Variants in MYO1G observed in about 807,000 individuals in gnomAD.
MYO1G encodes the protein myosin IG.
Under a neutral mutation model 115.3 loss-of-function variants are expected in MYO1G, and 65 were observed. The observed-to-expected ratio is 0.56, with a 90% CI of 0.46 to 0.69. The LOEUF (loss-of-function observed/expected upper bound fraction) is 0.69, where lower values mean the gene tolerates loss of function less well. Ranked by LOEUF, MYO1G falls within the 30% of genes least tolerant of loss-of-function variation. The pLI, the probability that MYO1G is intolerant of heterozygous loss-of-function variation, is 0.00. For synonymous variants in MYO1G, 510 were observed against 552.6 expected, an observed-to-expected ratio of 0.92 and a Z score of 1.08; for missense variants, 1,204 against 1,393.5, an observed-to-expected ratio of 0.86 and a Z score of 2.16.
intron 6 of MYO1G, 75 bp downstream of exon 6, chr7:44,972,040 C>T (rs1794967820): frequency 1.6e-5 from 19 of 1,185,604 alleles, no homozygotes; most frequent in Non-Finnish European, 2.3e-5. Context: ...GTGCTGAGTG[C>T]TGCCCATTCC....
In MYO1G at chr7:44,964,557, T is replaced by A. The variant is rs766721090; in HGVS notation, c.2527-38A>T. 7 of 1,531,224 alleles carry A rather than the reference T, an allele frequency of 4.6e-6. No homozygotes were observed. Among genetic ancestry groups the A allele is most frequent in the Non-Finnish European group, 6.3e-6 (7 of 1,105,456 alleles). 94.9% of individuals were successfully genotyped at this position (1,531,224 alleles called of 1,614,324 possible). A position where few individuals can be genotyped will look rare whatever the true frequency, so the allele number is the denominator to read the frequency against. On this transcript the variant is annotated intron_variant, in intron 18 of 21. Transcript: ENST00000258787. This position sits in a 1 kb window ranked among gnomAD's most constrained non-coding sequence, Gnocchi z 5.1. The stretch of plus-strand genomic sequence containing the variant: ...GGAGGGGAGGGGGCGCTGCTTGGGA[T>A]TGAGTCATGGGACCAGACTCAATTG...
At chr7:44,972,003 C>A in intron 6 of MYO1G, 112 bp downstream of exon 6, 2 of 914,526 alleles carry the variant, frequency 2.2e-6, no homozygotes, top group Non-Finnish European at 1.8e-6. Context: ...TCCCCACTCA[C>A]GCAAACAGTT....
chr7:44,969,353 A>G lies in MYO1G; in HGVS notation c.1574+60T>C. ...CACTCCCCTGAAGCGCTCCTGCCCC[A>G]TGACACATGCCATGGTGCCTGTGGG... On this transcript the variant is annotated intron_variant, in intron 12 of 21. Transcript: ENST00000258787. The surrounding 1 kb of genome is among the most constrained non-coding windows in gnomAD (Gnocchi z 5.0). 8 of 1,579,102 alleles carry G rather than the reference A, an allele frequency of 5.1e-6. No homozygotes were observed. Among genetic ancestry groups the G allele is most frequent in the Admixed American group, 1.7e-5 (1 of 59,974 alleles).
rs1248040992 is a variant in MYO1G at position 44,972,133 on chromosome 7, G to A, written c.711C>T (p.Leu237=). The A allele has an allele frequency of 6.2e-7, 1 of 1,613,810 alleles. No homozygotes were observed. Among genetic ancestry groups the A allele is most frequent in the Non-Finnish European group, 8.5e-7 (1 of 1,179,822 alleles). ...CACTCACACTGTGCACAGTCATGTT[G>A]AGTCCTGCTCCCTGGTGTGTGAAAT... ...VYNFTHQGAG[L]NMTVHSALDS... is the part of the protein sequence containing the mutation. The change falls in exon 6 of 22, where the codon CTC becomes CTT. Residue 237 remains leucine (L), a synonymous_variant. Coordinates refer to ENST00000258787, the MANE Select transcript of MYO1G (RefSeq NM_033054.3).
At position 44,970,742 on chromosome 7, in the gene MYO1G, G is replaced by C. The variant is rs374979687; in HGVS notation, c.1072-5C>G. ...AAACAGCCGCTGGTACACTGCCTGGGGGATAGGAACACCCTGCTTCCTGCT... is the reference window on the plus strand; with the variant it reads ...AAACAGCCGCTGGTACACTGCCTGGCGGATAGGAACACCCTGCTTCCTGCT... On this transcript the variant is annotated splice_polypyrimidine_tract_variant and splice_region_variant and intron_variant, in intron 8 of 21. Coordinates refer to ENST00000258787, the MANE Select transcript of MYO1G (RefSeq NM_033054.3). The C allele has an allele frequency of 5.6e-6, 9 of 1,613,914 alleles. No homozygotes were observed. In the South Asian group the frequency reaches 9.9e-5, roughly 18 times the overall value.
chr7:44,966,556 T>C lies in MYO1G; in HGVS notation c.1949+116A>G, dbSNP rs1445297766. 1.5e-6 allele frequency: 2 copies of C among 1,315,448 alleles called. No homozygotes were observed. The highest frequency in any genetic ancestry group is 2.3e-5 in the East Asian group (1 of 42,602). 81.5% of individuals were successfully genotyped at this position (1,315,448 alleles called of 1,614,324 possible). The stretch of plus-strand genomic sequence containing the variant: ...TGGTGTCTTGAGGCCAGCAGCGTGC[T>C]GGTTCCTGCTTGTATCGATGTTTGC... On this transcript the variant is annotated intron_variant, in intron 15 of 21. Transcript: ENST00000258787. This position sits in a 1 kb window ranked among gnomAD's most constrained non-coding sequence, Gnocchi z 5.0.
At chr7:44,965,555 G>T in intron 17 of MYO1G, 82 bp downstream of exon 17, 3 of 1,340,026 alleles carry the variant, frequency 2.2e-6, no homozygotes, top group Non-Finnish European at 2.1e-6. Context: ...CTCCCATCCA[G>T]GCACTGCAGG....
intron 14 of MYO1G, among the ~76,000 whole-genome samples, 193 bp from the exon 15 acceptor site, chr7:44,967,031 C>T (rs1373472772): frequency 2.0e-5 from 3 of 152,246 alleles, no homozygotes; most frequent in African/African-American, 7.2e-5. Context: ...AGGTTCAGAG[C>T]CAGGTTCCAG....
chr7:44,977,053 G>C lies in MYO1G; in HGVS notation c.114C>G (p.Ile38Met). 2 of 1,613,416 alleles carry C rather than the reference G, an allele frequency of 1.2e-6. No individual in the cohort carries two copies. The highest frequency in any genetic ancestry group is 1.7e-6 in the Non-Finnish European group (2 of 1,179,988). Residue 38 changes from isoleucine (I) to methionine (M), a missense_variant, in exon 2 of 22, where the codon ATC (isoleucine) becomes ATG (methionine). Ile to Met is a conservative substitution (Grantham distance 10, BLOSUM62 1). Coordinates refer to ENST00000258787, the MANE Select transcript of MYO1G (RefSeq NM_033054.3). ...NLQLRFEKGR[I>M]YTYIGEVLVS... is the part of the protein sequence containing the mutation. Reference sequence around the variant, plus strand: ...CCAGCACCTCACCGATGTAGGTGTAGATGCGGCCCTTCTCGAACCTGGACA... The same window carrying C: ...CCAGCACCTCACCGATGTAGGTGTACATGCGGCCCTTCTCGAACCTGGACA...
intron 5 of MYO1G, chr7:44,973,699 G>C (rs1241307953): frequency 6.6e-6 from 1 of 151,652 alleles, no homozygotes; most frequent in Admixed American, 6.6e-5. Flanking sequence ...CAACGTCCCA[G>C]GGAGCAATCC....
Position 44,969,728 on chromosome 7 carries a change from G to A in MYO1G, c.1480C>T (p.His494Tyr). The A allele has an allele frequency of 6.2e-7, 1 of 1,609,742 alleles. No homozygotes were observed. Among genetic ancestry groups the A allele is most frequent in the Non-Finnish European group, 8.5e-7 (1 of 1,179,094 alleles). ...LQTLDMHHRHHLHYTSRQLCP... is the reference protein window; with the variant it reads ...LQTLDMHHRHYLHYTSRQLCP... The stretch of plus-strand genomic sequence containing the variant: ...ACCTGGCGGCTGGTGTAGTGTAGGT[G>A]ATGGCGGTGGTGCATGTCCAGGGTC... Residue 494 changes from histidine (H) to tyrosine (Y), a missense_variant, in exon 11 of 22, where the codon CAC becomes TAC. Coordinates refer to ENST00000258787, the MANE Select transcript of MYO1G (RefSeq NM_033054.3). The surrounding 1 kb of genome is among the most constrained non-coding windows in gnomAD (Gnocchi z 5.0).
chr7:44,967,865 C>T lies in MYO1G; in HGVS notation c.1649+19G>A. ...CAGGGCCCTGGCCCTCCCTATGGTG[C>T]CCAGCAAGCCGTGCTCACCTGTTGT... On this transcript the variant is annotated intron_variant, in intron 13 of 21. Coordinates refer to ENST00000258787, the MANE Select transcript of MYO1G (RefSeq NM_033054.3). 2 of 1,613,684 alleles carry T rather than the reference C, an allele frequency of 1.2e-6. No homozygotes were observed. The highest frequency in any genetic ancestry group is 3.3e-5 in the Admixed American group (2 of 60,016).
Position 44,972,186 on chromosome 7 carries a change from G to A in MYO1G, c.658C>T (p.His220Tyr), listed in dbSNP as rs138286002. The change falls in exon 6 of 22, where the codon CAC (histidine) becomes TAC (tyrosine). Residue 220 changes from histidine to tyrosine, a missense_variant. Transcript: ENST00000258787. ...TATACAGCAGGGTTTCTCTCCAAGT[G>A]CAGTTCATGCAGCTGCTTGTCCTCA... ...GSEDKQLHEL[H>Y]LERNPAVYNF... 2 of 1,613,966 alleles carry A rather than the reference G, an allele frequency of 1.2e-6. No homozygotes were observed. Among genetic ancestry groups the A allele is most frequent in the South Asian group, 1.1e-5 (1 of 91,090 alleles).
chr7:44,975,748 A>G, intron 3 of MYO1G, 99 bp from the exon 4 acceptor site: 1 of 1,328,232 alleles, frequency 7.5e-7, no homozygotes, highest in Non-Finnish European at 1.0e-6. Flanking sequence ...ACAGCATCTC[A>G]GGATGAGTTC....
intron 9 of MYO1G, 54 bp from the exon 10 acceptor site, chr7:44,970,208 G>T: frequency 2.4e-6 from 3 of 1,227,160 alleles, no homozygotes; most frequent in Non-Finnish European, 2.4e-6. Flanking sequence ...GGAGTGCATG[G>T]TAATGGGTGG....
rs756830295 is a variant in MYO1G at position 44,966,636 on chromosome 7, A to G, written c.1949+36T>C. 25 of 1,611,918 alleles carry G rather than the reference A, an allele frequency of 1.6e-5. No individual in the cohort carries two copies. Among genetic ancestry groups the G allele is most frequent in the South Asian group, 7.7e-5 (7 of 90,870 alleles). On this transcript the variant is annotated intron_variant, in intron 15 of 21. Coordinates refer to ENST00000258787, the MANE Select transcript of MYO1G (RefSeq NM_033054.3). This position sits in a 1 kb window ranked among gnomAD's most constrained non-coding sequence, Gnocchi z 5.0. ...ACCCCTTGGACTCCACACAGGGACT[A>G]TGGCCCATGGAGTGATGGGTGTCAG...
intron 12 of MYO1G, among the ~76,000 whole-genome samples, chr7:44,968,170 C>T (rs1794882469): frequency 2.0e-5 from 3 of 152,204 alleles, no homozygotes; most frequent in Non-Finnish European, 2.9e-5. Flanking sequence ...AGACATTTCT[C>T]TCCTGGAAGA....
In MYO1G at chr7:44,963,085, C is replaced by G; in HGVS notation, c.2785G>C (p.Val929Leu). The change falls in exon 21 of 22, where the codon GTG becomes CTG. Residue 929 changes from valine to leucine, a missense_variant. Physicochemically the swap from Val to Leu is conservative, Grantham distance 32 (BLOSUM62 1). Coordinates refer to ENST00000258787, the MANE Select transcript of MYO1G (RefSeq NM_033054.3). The surrounding 1 kb of genome is among the most constrained non-coding windows in gnomAD (Gnocchi z 4.1). The part of the protein sequence containing the change: ...LSVTSGGDQL[V>L]VLHARGQDDL... The stretch of plus-strand genomic sequence containing the variant: ...TCCTGGCCGCGGGCGTGCAGCACCA[C>G]CAGCTGGTCTCCTCCGCTGGTCACG... The G allele has an allele frequency of 6.6e-7, 1 of 1,520,274 alleles. No homozygotes were observed. Among genetic ancestry groups the G allele is most frequent in the Non-Finnish European group, 8.8e-7 (1 of 1,140,140 alleles). The allele number at this position is 1,520,274 out of a possible 1,614,324, so 94.2% of individuals were successfully genotyped here.
Position 44,970,600 on chromosome 7 carries a change from G to A in MYO1G, c.1209C>T (p.Pro403=), listed in dbSNP as rs149536776. The A allele has an allele frequency of 2.5e-5, 41 of 1,613,182 alleles. No homozygotes were observed. In the African/African-American group the frequency reaches 4.1e-4, roughly 16 times the overall value. The change falls in exon 9 of 22, where the codon CCC becomes CCT. Residue 403 remains proline (P), a synonymous_variant. Coordinates refer to ENST00000258787, the MANE Select transcript of MYO1G (RefSeq NM_033054.3). ...VLDIYGFEVF[P]VNSFEQFCIN... is the part of the protein sequence containing the mutation. ...GCTGGCCAGCCACCCACCTGTTGACGGGAAACACCTCGAAGCCATAGATGT... is the reference window on the plus strand; with the variant it reads ...GCTGGCCAGCCACCCACCTGTTGACAGGAAACACCTCGAAGCCATAGATGT...
Sources: gnomAD v4.1 joint callset for allele counts (sites outside exome capture counted in the v4.1 genomes callset) on GRCh38, gnomAD v4.1.1 for gene constraint, Gnocchi (gnomAD v3.1) non-coding constraint, MANE v1.5 for transcripts, NCBI Gene and HGNC (gene_info 2026-07-23, HGNC 2026-07-21) for gene names.